The following CFAP54 variants were observed in gnomAD, a reference collection of about 807,000 sequenced individuals.
The protein encoded by CFAP54 is cilia and flagella associated protein 54.
Under a neutral mutation model 370.4 loss-of-function variants are expected in CFAP54, and 290 were observed. The ratio of observed to expected loss-of-function variants is 0.78; its 90% CI spans 0.71 to 0.86. CFAP54 has a LOEUF of 0.86. Among genes scored for constraint, CFAP54 ranks in the 40% least tolerant of loss-of-function variants. CFAP54 has a pLI of 0.00. For synonymous variants in CFAP54, 1,206 were observed against 1,236.5 expected (o/e 0.98, Z 0.52); for missense variants, 3,399 against 3,528.7 (o/e 0.96, Z 0.93).
At chr12:96,875,037 T>C (rs1565770922) in intron 67 of CFAP54, 81 bp from the exon 68 acceptor site, 1 of 152,020 alleles carries the variant, frequency 6.6e-6, no homozygotes, top group Non-Finnish European at 1.5e-5. Context: ...GGTTAACAGG[T>C]GAGGTGAAAT....
At chr12:96,805,891 A>G (rs1958872344) in intron 63 of CFAP54, among the ~76,000 whole-genome samples, 1 of 151,856 alleles carries the variant, frequency 6.6e-6, no homozygotes, top group Non-Finnish European at 1.5e-5. Context: ...CATAAAAAAT[A>G]ATGAATCATG....
At chr12:96,725,329 G>C (rs1041685693) in intron 50 of CFAP54, among the ~76,000 whole-genome samples, 4 of 151,800 alleles carry the variant, frequency 2.6e-5, no homozygotes, top group Admixed American at 2.6e-4. Flanking sequence ...TCTTCCATTT[G>C]TTTGTATCCT....
intron 5 of CFAP54, among the ~76,000 whole-genome samples, chr12:96,516,032 C>T (rs1955229747): frequency 6.6e-6 from 1 of 151,172 alleles, no homozygotes; most frequent in Non-Finnish European, 1.5e-5. Flanking sequence ...TCTTCTGCCT[C>T]AGCCTCCTGA....
chr12:96,805,468 CAT>C (rs1008662085), intron 63 of CFAP54, among the ~76,000 whole-genome samples: 2 of 150,036 alleles, frequency 1.3e-5, no homozygotes, highest in Middle Eastern at 3.2e-3. Context: ...TTTCAACAAA[CAT>C]GTAAAAAAGT....
In CFAP54 at chr12:96,664,710, T is replaced by G. The variant is rs771782258; in HGVS notation, c.5563+778T>G. On this transcript the variant is annotated intron_variant, in intron 39 of 67. Transcript: ENST00000524981. The stretch of plus-strand genomic sequence containing the variant: ...TTGGGTATATATCTATATATATATA[T>G]ATATCTATATATATCTATATATATA... Among the ~76,000 whole-genome samples, 50 of 11,404 alleles carry G rather than the reference T, an allele frequency of 4.4e-3. 2 individuals are homozygous for G. The highest frequency in any genetic ancestry group is 0.016 in the African/African-American group (34 of 2,164). 7.5% of individuals were successfully genotyped at this position (11,404 alleles called of 152,430 possible). A position where few individuals can be genotyped will look rare whatever the true frequency, so the allele number is the denominator to read the frequency against.
intron 48 of CFAP54, among the ~76,000 whole-genome samples, chr12:96,709,327 A>G (rs956937899): frequency 6.6e-6 from 1 of 152,264 alleles, no homozygotes; most frequent in South Asian, 2.1e-4. Context: ...ACAGTGCAAC[A>G]TACCCAGATG....
At chr12:96,609,064 G>A (rs1056326453) in intron 26 of CFAP54, among the ~76,000 whole-genome samples, 12 of 152,142 alleles carry the variant, frequency 7.9e-5, no homozygotes, top group African/African-American at 2.7e-4. Flanking sequence ...TTGAAAAAAT[G>A]AATGGGTAGA....
chr12:96,593,758 A>C (rs570304454), intron 24 of CFAP54, among the ~76,000 whole-genome samples: 4 of 152,140 alleles, frequency 2.6e-5, no homozygotes, highest in Middle Eastern at 6.8e-3. Flanking sequence ...AAGGCTAACT[A>C]TTCTTTTTAA....
At chr12:96,783,446 A>G (rs1958599113) in intron 60 of CFAP54, among the ~76,000 whole-genome samples, 1 of 152,208 alleles carries the variant, frequency 6.6e-6, no homozygotes, top group Admixed American at 6.5e-5. Flanking sequence ...ATTTATGTGC[A>G]TGTATATATG....
rs144817451 is a variant in CFAP54 at position 96,767,642 on chromosome 12, A to C, written c.8281+2424A>C. Reference sequence around the variant, plus strand: ...TCATGTTGATGACTTCCCTCACTTCAGTGTTGGGGTTAGAAGGAGGTTCTG... The same window carrying C: ...TCATGTTGATGACTTCCCTCACTTCCGTGTTGGGGTTAGAAGGAGGTTCTG... On this transcript the variant is annotated intron_variant, in intron 60 of 67. Transcript: ENST00000524981. Among the ~76,000 whole-genome samples, 370 of 152,168 alleles carry C rather than the reference A, an allele frequency of 2.4e-3. 1 individual carries two copies. Among genetic ancestry groups the C allele is most frequent in the Admixed American group, 6.8e-3 (104 of 15,288 alleles).
intron 65 of CFAP54, among the ~76,000 whole-genome samples, chr12:96,821,242 C>T (rs1959030060): frequency 6.6e-6 from 1 of 152,130 alleles, no homozygotes; most frequent in Non-Finnish European, 1.5e-5. Context: ...ATGAACCCAG[C>T]ATCTGAGTCA....
At chr12:96,547,054 A>G (rs946482446) in intron 14 of CFAP54, among the ~76,000 whole-genome samples, 4 of 152,224 alleles carry the variant, frequency 2.6e-5, no homozygotes, top group African/African-American at 9.6e-5. Flanking sequence ...CTATTTAGAT[A>G]TATAAATTCT....
chr12:96,863,297 C>A (rs1036664435), intron 67 of CFAP54, among the ~76,000 whole-genome samples: 27 of 152,114 alleles, frequency 1.8e-4, no homozygotes, highest in African/African-American at 6.3e-4. Flanking sequence ...TTATTGCCTA[C>A]CCTTTCTGGA....
intron 50 of CFAP54, among the ~76,000 whole-genome samples, chr12:96,739,351 CT>C (rs1266933019): frequency 6.6e-6 from 1 of 152,106 alleles, no homozygotes. Context: ...AATATAACGG[CT>C]TAAAATACAG....
At chr12:96,637,264 G>A (rs1298840186) in intron 32 of CFAP54, among the ~76,000 whole-genome samples, 4 of 152,096 alleles carry the variant, frequency 2.6e-5, no homozygotes, top group African/African-American at 9.7e-5. Context: ...TCATGGTATG[G>A]ATACATCACA....
chr12:96,798,801 A>G (rs150423934), intron 63 of CFAP54, among the ~76,000 whole-genome samples: 1 of 152,336 alleles, frequency 6.6e-6, no homozygotes, highest in East Asian at 1.9e-4. Flanking sequence ...AGCTTCAAAT[A>G]TACATGAAGT....
At position 96,708,789 on chromosome 12, in the gene CFAP54, T is replaced by C. The variant is rs200374954; in HGVS notation, c.6710T>C (p.Leu2237Pro). 3.6e-5 allele frequency: 58 copies of C among 1,593,882 alleles called. No homozygotes were observed. Among genetic ancestry groups the C allele is most frequent in the Non-Finnish European group, 4.5e-5 (53 of 1,171,016 alleles). ...TVITNKSKPNLPNLEEIYSKD... is the reference protein window; with the variant it reads ...TVITNKSKPNPPNLEEIYSKD... ...ATTACCAACAAGAGCAAACCAAACC[T>C]ACCAAACTTGGAAGGTAATTGTTTT... is the stretch of plus-strand genomic sequence containing the variant. Residue 2237 changes from leucine (L) to proline (P), a missense_variant, in exon 48 of 68, where the codon CTA (leucine) becomes CCA (proline). Coordinates refer to ENST00000524981, the MANE Select transcript of CFAP54 (RefSeq NM_001306084.2).
chr12:96,504,994 T>TTCTCTTTCTTTCTTTCTTTCTTTC (rs1565877525), intron 3 of CFAP54, among the ~76,000 whole-genome samples: 1 of 148,916 alleles, frequency 6.7e-6, no homozygotes, highest in Non-Finnish European at 1.5e-5. Flanking sequence ...TCTTCTTTCT[T>TTCTCTTTCTTTCTTTCTTTCTTTC]TTTCTTTCTT....
chr12:96,708,035 T>C (rs939070040), intron 47 of CFAP54, among the ~76,000 whole-genome samples: 1 of 152,134 alleles, frequency 6.6e-6, no homozygotes, highest in African/African-American at 2.4e-5. Context: ...TCCAGCCGTT[T>C]TCCACCCCAG....
Sources: allele counts gnomAD v4.1 joint callset (sites outside exome capture counted in the v4.1 genomes callset), GRCh38; gene constraint gnomAD v4.1.1; transcripts MANE v1.5; gene names NCBI Gene and HGNC (gene_info 2026-07-23, HGNC 2026-07-21).